FER: variants seen among roughly 807,000 people sequenced by gnomAD.
FER encodes tyrosine-protein kinase Fer.
FER carries 63 observed loss-of-function variants against 111.0 expected under a neutral mutation model. That is an observed-to-expected ratio of 0.57 (90% confidence interval 0.46 to 0.70). FER has a LOEUF of 0.70. FER is among the 30% of genes least tolerant of loss of function. The probability of loss-of-function intolerance (pLI) is 0.00; values close to 1 mark genes in which losing one functional copy is unlikely to be tolerated. For missense variants in FER, 914 were observed against 954.0 expected, an observed-to-expected ratio of 0.96 and a Z score of 0.55; for synonymous variants, 327 against 313.9, an observed-to-expected ratio of 1.04 and a Z score of -0.44.
intron 4 of FER, among the ~76,000 whole-genome samples, chr5:108,835,143 T>A (rs1179904491): frequency 6.7e-6 from 1 of 148,300 alleles, no homozygotes; most frequent in East Asian, 2.0e-4. Flanking sequence ...TTAATTTTTT[T>A]AAATTTTAGA....
chr5:108,911,653 T>G (rs1451318687), intron 10 of FER, among the ~76,000 whole-genome samples: 2 of 152,142 alleles, frequency 1.3e-5, no homozygotes, highest in Non-Finnish European at 2.9e-5. Context: ...TGGTGAGAGA[T>G]AGGGGTCTAG....
At chr5:108,863,536 GATC>G (rs1242831814) in intron 5 of FER, among the ~76,000 whole-genome samples, 3 of 152,108 alleles carry the variant, frequency 2.0e-5, no homozygotes, top group Non-Finnish European at 4.4e-5. Context: ...ATTAGTAACT[GATC>G]ATGTGGGAGG....
At chr5:108,803,173 C>T (rs1214244705) in intron 3 of FER, among the ~76,000 whole-genome samples, 1 of 151,934 alleles carries the variant, frequency 6.6e-6, no homozygotes, top group Non-Finnish European at 1.5e-5. Context: ...ATGTCCTATG[C>T]CCACTTTTTA....
chr5:108,961,482 G>A (rs1238859064), intron 13 of FER, among the ~76,000 whole-genome samples: 2 of 149,100 alleles, frequency 1.3e-5, no homozygotes, highest in Non-Finnish European at 3.0e-5. Flanking sequence ...CCAACACTTT[G>A]GAATTGATTA....
intron 5 of FER, among the ~76,000 whole-genome samples, chr5:108,847,749 T>C (rs978367177): frequency 6.6e-6 from 1 of 152,216 alleles, no homozygotes; most frequent in Non-Finnish European, 1.5e-5. Flanking sequence ...ACTTTATTAT[T>C]ATGAAATGAC....
intron 16 of FER, among the ~76,000 whole-genome samples, chr5:109,094,560 A>C (rs117319867): frequency 0.034 from 5,202 of 152,192 alleles, 144 homozygotes; most frequent in South Asian, 0.083. Flanking sequence ...GTGGTTGACA[A>C]ATTTTTTTTA....
intron 16 of FER, among the ~76,000 whole-genome samples, chr5:109,083,729 G>C (rs999646178): frequency 6.6e-6 from 1 of 151,944 alleles, no homozygotes; most frequent in Non-Finnish European, 1.5e-5. Flanking sequence ...TCTTTAGTGA[G>C]CAACTCTGAA....
At chr5:108,969,399 A>G (rs1256953365) in intron 13 of FER, among the ~76,000 whole-genome samples, 1 of 152,144 alleles carries the variant, frequency 6.6e-6, no homozygotes, top group Non-Finnish European at 1.5e-5. Flanking sequence ...TGTTAATACA[A>G]AGAACTAAGC....
At chr5:108,980,857 T>TA (rs1761944625) in intron 13 of FER, among the ~76,000 whole-genome samples, 1 of 152,170 alleles carries the variant, frequency 6.6e-6, no homozygotes, top group Non-Finnish European at 1.5e-5. Context: ...GTTGGACAGA[T>TA]ATAACATTCA....
intron 17 of FER, among the ~76,000 whole-genome samples, chr5:109,138,005 C>T (rs1263175375): frequency 2.6e-5 from 4 of 152,284 alleles, no homozygotes; most frequent in Admixed American, 1.3e-4. Context: ...CTGGTTTGGT[C>T]TTCCCAGTTT....
In FER at chr5:109,049,468, G is replaced by A. The variant is rs529560663; in HGVS notation, c.1924+2270G>A. On this transcript the variant is annotated intron_variant, in intron 16 of 19. Coordinates refer to ENST00000281092, the MANE Select transcript of FER (RefSeq NM_005246.4). ...GGTTGCCTGCATCCCTTTTCACATC[G>A]TCTTTCTATCTTCAAAGTCAGCACG... Among the ~76,000 whole-genome samples, 6 of 152,164 alleles carry A rather than the reference G, an allele frequency of 3.9e-5. No individual in the cohort carries two copies. In the East Asian group the frequency reaches 5.8e-4, roughly 15 times the overall value.
rs1229239264 is a variant in FER, at chr5:109,073,440, A to G, written c.1924+26242A>G. 3.3e-5 allele frequency among the ~76,000 whole-genome samples: 5 copies of G among 152,212 alleles called. No homozygotes were observed. The East Asian group carries it at 9.7e-4, about 29-fold the overall frequency. On this transcript the variant is annotated intron_variant, in intron 16 of 19. Coordinates refer to ENST00000281092, the MANE Select transcript of FER (RefSeq NM_005246.4). ...TTATTTAAGGATAATATGAGCTCTG[A>G]GGCTAGTGTTAGGCTGTGAATCATT...
At chr5:108,859,781 A>G (rs1580912556) in intron 5 of FER, among the ~76,000 whole-genome samples, 1 of 152,082 alleles carries the variant, frequency 6.6e-6, no homozygotes, top group African/African-American at 2.4e-5. Flanking sequence ...GGTGTTTTAT[A>G]TTGAATTTTT....
chr5:109,114,272 C>T (rs1033834866), intron 17 of FER, among the ~76,000 whole-genome samples: 21 of 151,920 alleles, frequency 1.4e-4, no homozygotes, highest in African/African-American at 4.8e-4. Flanking sequence ...AATTTATTTC[C>T]CAGTAGCTAT....
chr5:108,785,762 A>G (rs1348961657), intron 2 of FER, among the ~76,000 whole-genome samples: 2 of 152,194 alleles, frequency 1.3e-5, no homozygotes, highest in Admixed American at 1.3e-4. Context: ...ATTAGCCTGC[A>G]TGGGCTGCCT....
At chr5:109,036,377 G>C (rs1021708153) in intron 13 of FER, among the ~76,000 whole-genome samples, 1 of 152,042 alleles carries the variant, frequency 6.6e-6, no homozygotes, top group Non-Finnish European at 1.5e-5. Flanking sequence ...TTGGTTGAGT[G>C]TTTGCCACAT....
chr5:109,061,976 A>C (rs2149967645), intron 16 of FER, among the ~76,000 whole-genome samples: 1 of 151,908 alleles, frequency 6.6e-6, no homozygotes. Context: ...TGAGTAGTCC[A>C]AGATGATTCT....
chr5:109,157,496 G>A (rs993219195), intron 17 of FER, among the ~76,000 whole-genome samples: 10 of 151,190 alleles, frequency 6.6e-5, no homozygotes, highest in East Asian at 1.9e-4. Context: ...TGTTTTATTC[G>A]ATCACTGGCG....
At chr5:109,104,066 GAT>G (rs1460719795) in intron 17 of FER, among the ~76,000 whole-genome samples, 1 of 152,156 alleles carries the variant, frequency 6.6e-6, no homozygotes, top group African/African-American at 2.4e-5. Flanking sequence ...TATCAGAAAA[GAT>G]ATATTTTGGA....
Sources: allele counts gnomAD v4.1 joint callset (sites outside exome capture counted in the v4.1 genomes callset), GRCh38; gene constraint gnomAD v4.1.1; transcripts MANE v1.5; gene names NCBI Gene and HGNC (gene_info 2026-07-23, HGNC 2026-07-21).